Variants in CDKL5 observed in about 807,000 individuals in gnomAD.
CDKL5 encodes cyclin dependent kinase like 5, also known as cyclin-dependent kinase-like 5.
CDKL5 carries 8 observed loss-of-function variants against 61.7 expected under a neutral mutation model. That is an observed-to-expected ratio of 0.13 (90% CI 0.08 to 0.23). The LOEUF is 0.23. Among genes scored for constraint, CDKL5 ranks in the 10% least tolerant of loss-of-function variants. The probability of loss-of-function intolerance (pLI) is 1.00; values close to 1 mark genes in which losing one functional copy is unlikely to be tolerated. For missense variants in CDKL5, 440 were observed against 734.5 expected (o/e 0.60, Z 4.63); for synonymous variants, 275 against 272.3 (o/e 1.01, Z -0.10).
At chrX:18,470,396 G>GAAA (rs1921050574) in intron 1 of CDKL5, among the ~76,000 whole-genome samples, 1 of 94,978 alleles carries the variant, frequency 1.1e-5, no homozygotes, top group Non-Finnish European at 2.1e-5. Context: ...AAAAAAAGAA[G>GAAA]TAAATGGATG....
Position 18,588,077 on chromosome X carries a change from G to A in CDKL5, c.678G>A (p.Val226=). ...EIDQLFTIQK[V]LGPLPSEQMK... Reference sequence around the variant, plus strand: ...ACCAACTTTTTACTATTCAGAAGGTGCTAGGACCACTTCCATCTGAGCAGA... The same window carrying A: ...ACCAACTTTTTACTATTCAGAAGGTACTAGGACCACTTCCATCTGAGCAGA... Residue 226 remains valine, a synonymous_variant, in exon 9 of 18, where the codon GTG becomes GTA. Transcript: ENST00000623535. The A allele has an allele frequency of 1.2e-5, 14 of 1,210,126 alleles. No homozygotes were observed. The highest frequency in any genetic ancestry group is 1.6e-5 in the Non-Finnish European group (14 of 894,359).
intron 16 of CDKL5, among the ~76,000 whole-genome samples, chrX:18,620,828 A>G (rs1264834828): frequency 1.8e-5 from 2 of 110,315 alleles, no homozygotes; most frequent in Admixed American, 9.7e-5. Flanking sequence ...GCTCCCTGCA[A>G]CCTCTACCTC....
chrX:18,516,165 A>AT (rs1209973241), intron 3 of CDKL5, among the ~76,000 whole-genome samples: 4 of 110,371 alleles, frequency 3.6e-5, no homozygotes, highest in Non-Finnish European at 5.7e-5. Flanking sequence ...TAATTTTTGT[A>AT]TTTTTAATAG....
chrX:18,556,330 T>C (rs1027801025), intron 3 of CDKL5, among the ~76,000 whole-genome samples: 1 of 111,923 alleles, frequency 8.9e-6, no homozygotes, highest in East Asian at 2.8e-4. Context: ...TGTGTGTGTG[T>C]GTTTCAGAAT....
intron 1 of CDKL5, among the ~76,000 whole-genome samples, chrX:18,501,236 A>G (rs892196128): frequency 9.0e-6 from 1 of 111,653 alleles, no homozygotes; most frequent in Non-Finnish European, 1.9e-5. Flanking sequence ...TACAATGGCA[A>G]TATCTCAGCT....
chrX:18,496,952 G>T (rs1041764605), intron 1 of CDKL5, among the ~76,000 whole-genome samples: 8 of 109,940 alleles, frequency 7.3e-5, no homozygotes, highest in African/African-American at 2.6e-4. Context: ...GGTGCCCTTG[G>T]CCAAGAAGGA....
At chrX:18,442,616 C>T (rs972266739) in intron 1 of CDKL5, among the ~76,000 whole-genome samples, 3 of 111,178 alleles carry the variant, frequency 2.7e-5, no homozygotes, top group African/African-American at 9.8e-5. Flanking sequence ...GCCTCAGCCT[C>T]CCGAGTAGCT....
At chrX:18,607,026 C>T (rs1926387235) in intron 12 of CDKL5, among the ~76,000 whole-genome samples, 2 of 111,880 alleles carry the variant, frequency 1.8e-5, no homozygotes, top group South Asian at 7.5e-4. Context: ...CTTCATTTCA[C>T]AGATGAGCAT....
intron 1 of CDKL5, among the ~76,000 whole-genome samples, chrX:18,498,377 C>T (rs1417187539): frequency 8.9e-6 from 1 of 112,067 alleles, no homozygotes; most frequent in Non-Finnish European, 1.9e-5. Context: ...TATTAGCTCA[C>T]AGTTCTGTAG....
chrX:18,501,841 G>A (rs1007890819), intron 1 of CDKL5, among the ~76,000 whole-genome samples: 9 of 112,275 alleles, frequency 8.0e-5, no homozygotes, highest in African/African-American at 9.7e-5. Flanking sequence ...GAGCCACCAC[G>A]CCCGGCCACA....
In CDKL5 at chrX:18,634,028, A is replaced by C; in HGVS notation, c.*5271A>C. On this transcript the variant is annotated 3_prime_UTR_variant, in exon 18 of 18. Transcript: ENST00000623535. ...GGGCCAGCAAAATTGCGGCAGTGAA[A>C]CTAGTTTCACTTCTAAAGCCCTTCA... The C allele has an allele frequency of 1.3e-6, 1 of 753,984 alleles. No individual in the cohort carries two copies. The highest frequency in any genetic ancestry group is 1.6e-6 in the Non-Finnish European group (1 of 639,292). 62.1% of individuals were successfully genotyped at this position (753,984 alleles called of 1,213,427 possible). A position where few individuals can be genotyped will look rare whatever the true frequency, so the allele number is the denominator to read the frequency against.
At chrX:18,625,290 G>A (rs1927007937) in intron 17 of CDKL5, 43 bp downstream of exon 17, 1 of 1,195,827 alleles carries the variant, frequency 8.4e-7, no homozygotes, top group Admixed American at 2.2e-5. Context: ...CAACTCTCCA[G>A]TAACTGTCCT....
chrX:18,587,828 C>CGAA, intron 8 of CDKL5, 126 bp from the exon 9 acceptor site: 1 of 640,276 alleles, frequency 1.6e-6, no homozygotes, highest in South Asian at 2.5e-5. Flanking sequence ...CTTCTTTTCA[C>CGAA]ATGGAACTTT....
downstream of CDKL5, chrX:18,641,923 A>G: frequency 9.5e-7 from 1 of 1,051,628 alleles, no homozygotes; most frequent in Non-Finnish European, 1.3e-6. Flanking sequence ...AGCCCTGTCC[A>G]TCTCGGTGGT....
intron 1 of CDKL5, among the ~76,000 whole-genome samples, chrX:18,459,998 G>A (rs1303206725): frequency 9.1e-6 from 1 of 110,148 alleles, no homozygotes; most frequent in Non-Finnish European, 1.9e-5. Flanking sequence ...CCAGCCTCCC[G>A]AGTAGCTGGG....
In CDKL5 at chrX:18,568,988, C is replaced by A. The variant is rs188367491; in HGVS notation, c.145+4466C>A. Among the ~76,000 whole-genome samples, 781 of 111,922 alleles carry A rather than the reference C, an allele frequency of 7.0e-3. 3 individuals carry two copies. Among genetic ancestry groups the A allele is most frequent in the Middle Eastern group, 0.042 (9 of 215 alleles). ...GCGATTACAGGCATGAGCCACCAAG[C>A]CTTGCCTTTTCGAGGTTTTTATTTT... On this transcript the variant is annotated intron_variant, in intron 4 of 17. Coordinates refer to ENST00000623535, the MANE Select transcript of CDKL5 (RefSeq NM_001323289.2).
At chrX:18,625,385 T>G in intron 17 of CDKL5, 138 bp downstream of exon 17, 1 of 649,091 alleles carries the variant, frequency 1.5e-6, no homozygotes, top group East Asian at 3.4e-5. Flanking sequence ...AGACCCTCAG[T>G]TATAGCCAGA....
In CDKL5 at chrX:18,629,806, A is replaced by C; in HGVS notation, c.*1049A>C. 1.3e-6 allele frequency: 1 copy of C among 754,454 alleles called. No individual in the cohort carries two copies. Among genetic ancestry groups the C allele is most frequent in the Non-Finnish European group, 1.6e-6 (1 of 639,303 alleles). 62.2% of individuals were successfully genotyped at this position (754,454 alleles called of 1,213,427 possible). Reference sequence around the variant, plus strand: ...TTGTGTCCAGGGACGTTACTTGCACACAGGGGAGAATAGATTGAGGCGTTA... The same window carrying C: ...TTGTGTCCAGGGACGTTACTTGCACCCAGGGGAGAATAGATTGAGGCGTTA... On this transcript the variant is annotated 3_prime_UTR_variant, in exon 18 of 18. Coordinates refer to ENST00000623535, the MANE Select transcript of CDKL5 (RefSeq NM_001323289.2).
chrX:18,484,712 C>T (rs746348236), intron 1 of CDKL5, among the ~76,000 whole-genome samples: 3 of 110,325 alleles, frequency 2.7e-5, no homozygotes, highest in Admixed American at 1.9e-4. Flanking sequence ...TTGTTTTTGA[C>T]ACAGGATCTC....
Sources: gnomAD v4.1 joint callset for allele counts (sites outside exome capture counted in the v4.1 genomes callset) on GRCh38, gnomAD v4.1.1 for gene constraint, MANE v1.5 for transcripts, NCBI Gene and HGNC (gene_info 2026-07-23, HGNC 2026-07-21) for gene names.